ABCC2: variants seen among roughly 807,000 people sequenced by gnomAD.
ABCC2 encodes ATP-binding cassette sub-family C member 2.
ABCC2 carries 157 observed loss-of-function variants against 173.4 expected under a neutral mutation model. That is an observed-to-expected ratio of 0.91 (90% CI 0.80 to 1.03). ABCC2 has a LOEUF of 1.03. Among genes scored for constraint, ABCC2 ranks in the 50% least tolerant of loss-of-function variants. The probability of loss-of-function intolerance (pLI) is 0.00; values close to 1 mark genes in which losing one functional copy is unlikely to be tolerated. For missense variants in ABCC2, 1,822 were observed against 1,852.3 expected, an observed-to-expected ratio of 0.98 and a Z score of 0.30; for synonymous variants, 657 against 693.5, an observed-to-expected ratio of 0.95 and a Z score of 0.83.
Position 99,800,450 on chromosome 10 carries a change from C to T in ABCC2, c.1096C>T (p.Leu366Phe). 6.2e-7 allele frequency: 1 copy of T among 1,614,138 alleles called. No individual in the cohort carries two copies. Among genetic ancestry groups the T allele is most frequent in the Non-Finnish European group, 8.5e-7 (1 of 1,180,022 alleles). ...GTGGATTGGATATCTCTGTGCAATC[C>T]TCTTATTCACTGCGGCTCTCATTCA... ...YLWIGYLCAI[L>F]LFTAALIQSF... The change falls in exon 9 of 32, where the codon CTC becomes TTC. Residue 366 changes from leucine to phenylalanine, a missense_variant. Transcript: ENST00000647814.
intron 19 of ABCC2, among the ~76,000 whole-genome samples, chr10:99,819,957 C>T (rs550961902): frequency 7.9e-5 from 12 of 152,298 alleles, no homozygotes; most frequent in Admixed American, 7.2e-4. Context: ...GTGGTTGTCA[C>T]CAGCAGGAGT....
At position 99,786,080 on chromosome 10, in the gene ABCC2, T is replaced by A. The variant is rs118132251; in HGVS notation, c.207+1299T>A. Reference sequence around the variant, plus strand: ...TGACCTGAGTGCCCATCACAGGACCTAGCATGTTTCAAACACTCCCACTGG... The same window carrying A: ...TGACCTGAGTGCCCATCACAGGACCAAGCATGTTTCAAACACTCCCACTGG... On this transcript the variant is annotated intron_variant, in intron 2 of 31. Transcript: ENST00000647814. Among the ~76,000 whole-genome samples the A allele has an allele frequency of 4.9e-3, 744 of 152,230 alleles. 4 individuals carry two copies. Among genetic ancestry groups the A allele is most frequent in the Non-Finnish European group, 8.0e-3 (541 of 68,012 alleles).
intron 29 of ABCC2, among the ~76,000 whole-genome samples, chr10:99,846,402 T>TTTTC (rs1179713744): frequency 6.6e-6 from 1 of 152,160 alleles, no homozygotes; most frequent in Non-Finnish European, 1.5e-5. Context: ...CTCCAGCCTC[T>TTTTC]TCAAAAGCGT....
Position 99,830,811 on chromosome 10 carries a change from G to A in ABCC2, c.2843G>A (p.Gly948Glu). Residue 948 changes from glycine to glutamate, a missense_variant, in exon 21 of 32, where the codon GGA becomes GAA. By Grantham distance (98) the Gly-to-Glu change is moderately conservative (BLOSUM62 -2). Transcript: ENST00000647814. ...AAGGAAGACGAAGAACTAGTGAAAG[G>A]ACAAAAACTAATTAAGAAGGAATTC... ...SLKEDEELVKGQKLIKKEFIE... is the reference protein window; with the variant it reads ...SLKEDEELVKEQKLIKKEFIE... 2.5e-6 allele frequency: 4 copies of A among 1,614,098 alleles called. No homozygotes were observed. The South Asian group carries it at 4.4e-5, about 18-fold the overall frequency.
chr10:99,849,816 T>C (rs72838149), intron 30 of ABCC2, among the ~76,000 whole-genome samples: 8,351 of 152,346 alleles, frequency 0.055, 253 homozygotes, highest in Middle Eastern at 0.18. Context: ...CCCTGTTTAA[T>C]ATGTTCCCTA....
intron 19 of ABCC2, among the ~76,000 whole-genome samples, chr10:99,821,004 T>G (rs1185372486): frequency 2.0e-5 from 3 of 152,184 alleles, no homozygotes; most frequent in African/African-American, 7.2e-5. Context: ...TCGTGGGTGT[T>G]TCTCGAAGAG....
At chr10:99,806,380 C>T (rs2133027332) in intron 11 of ABCC2, among the ~76,000 whole-genome samples, 1 of 152,208 alleles carries the variant, frequency 6.6e-6, no homozygotes, top group Non-Finnish European at 1.5e-5. Flanking sequence ...ACATTAGAAT[C>T]ACCTGAGAAA....
chr10:99,800,077 G>A (rs1046239327), intron 8 of ABCC2, among the ~76,000 whole-genome samples: 1 of 152,176 alleles, frequency 6.6e-6, no homozygotes, highest in Non-Finnish European at 1.5e-5. Context: ...GCGTATGCCT[G>A]TAGACCCAGC....
At chr10:99,836,636 C>A (rs777061087) in intron 25 of ABCC2, among the ~76,000 whole-genome samples, 1 of 152,170 alleles carries the variant, frequency 6.6e-6, no homozygotes, top group Non-Finnish European at 1.5e-5. Flanking sequence ...AACCCAGTAC[C>A]AAATAAGTGC....
At chr10:99,805,298 G>A in intron 10 of ABCC2, 84 bp from the exon 11 acceptor site, 1 of 1,206,246 alleles carries the variant, frequency 8.3e-7, no homozygotes. Flanking sequence ...CCACAAAGTA[G>A]CAGTGAGGCC....
At chr10:99,800,303 G>A (rs1057011583) in intron 8 of ABCC2, 83 bp from the exon 9 acceptor site, 2 of 1,413,748 alleles carry the variant, frequency 1.4e-6, no homozygotes, top group Non-Finnish European at 2.0e-6. Context: ...TGTAAAGATA[G>A]TGTAGTCTAG....
Position 99,831,723 on chromosome 10 carries a change from G to A in ABCC2, c.2996G>A (p.Trp999Ter). 6.2e-7 allele frequency: 1 copy of A among 1,614,102 alleles called. No homozygotes were observed. Residue 999 changes from tryptophan to a stop codon, truncating the protein, a stop_gained, in exon 22 of 32, where the codon TGG (tryptophan) becomes TAG (stop). Coordinates refer to ENST00000647814, the MANE Select transcript of ABCC2 (RefSeq NM_000392.5). LOFTEE classifies it high-confidence loss of function. Reference protein sequence around the residue: ...NSVAFIGSNLWLSAWTSDSKI... With the variant: ...NSVAFIGSNL ...GTGGCTTTTATTGGATCCAACCTCTGGCTCAGTGCTTGGACCAGTGACTCT... is the reference window on the plus strand; with the variant it reads ...GTGGCTTTTATTGGATCCAACCTCTAGCTCAGTGCTTGGACCAGTGACTCT...
rs11412117 is a variant in ABCC2, at chr10:99,789,709, C to CAA, written c.208-2509_208-2508dup. Among the ~76,000 whole-genome samples the CAA allele has an allele frequency of 8.9e-3, 873 of 97,736 alleles. 24 individuals carry two copies. The highest frequency in any genetic ancestry group is 0.025 in the African/African-American group (618 of 24,782). 64.1% of individuals were successfully genotyped at this position (97,736 alleles called of 152,430 possible). A position where few individuals can be genotyped will look rare whatever the true frequency, so the allele number is the denominator to read the frequency against. On this transcript the variant is annotated intron_variant, in intron 2 of 31. Coordinates refer to ENST00000647814, the MANE Select transcript of ABCC2 (RefSeq NM_000392.5). ...TGGGTGACAGAGCGAAACTCCGTCTCAAAAAAAAAAAAAAAAAGAAAAAGG... is the reference window on the plus strand; with the variant it reads ...TGGGTGACAGAGCGAAACTCCGTCTCAAAAAAAAAAAAAAAAAAAGAAAAAGG...
intron 29 of ABCC2, among the ~76,000 whole-genome samples, chr10:99,846,599 C>T (rs1206947477): frequency 6.6e-6 from 1 of 152,156 alleles, no homozygotes; most frequent in African/African-American, 2.4e-5. Flanking sequence ...ATCAGCCAGG[C>T]ATCGTGGTGC....
At position 99,814,120 on chromosome 10, in the gene ABCC2, C is replaced by CACATATATAT. The variant is rs1463076107; in HGVS notation, c.2094+979_2094+980insTATATATACA. Among the ~76,000 whole-genome samples the CACATATATAT allele has an allele frequency of 9.1e-5, 12 of 131,662 alleles. 1 individual carries two copies. The highest frequency in any genetic ancestry group is 3.4e-4 in the African/African-American group (12 of 34,836). 86.4% of individuals were successfully genotyped at this position (131,662 alleles called of 152,430 possible). On this transcript the variant is annotated intron_variant, in intron 16 of 31. Transcript: ENST00000647814. ...ATATATACACACATATGTGTATATA[C>CACATATATAT]ACACATATGTGTGTATATATACACA...
intron 1 of ABCC2, among the ~76,000 whole-genome samples, chr10:99,784,115 G>A (rs1257609295): frequency 6.6e-6 from 1 of 151,702 alleles, no homozygotes; most frequent in East Asian, 1.9e-4. Flanking sequence ...TGCTGAAACT[G>A]GCCAGGTTTT....
rs79174032 is a variant in ABCC2, at chr10:99,800,349, C to A, written c.1032-37C>A. ...ATGAGGAGAGAGGCATCCTTGGAGGCCTTATGGGTATAACTAACTTGGCTT... is the reference window on the plus strand; with the variant it reads ...ATGAGGAGAGAGGCATCCTTGGAGGACTTATGGGTATAACTAACTTGGCTT... On this transcript the variant is annotated intron_variant, in intron 8 of 31. Coordinates refer to ENST00000647814, the MANE Select transcript of ABCC2 (RefSeq NM_000392.5). 2.3e-3 allele frequency: 3,699 copies of A among 1,612,000 alleles called. 51 individuals are homozygous for A. The African/African-American group carries it at 0.035, about 15-fold the overall frequency.
chr10:99,835,586 C>T (rs1284020642), intron 24 of ABCC2, among the ~76,000 whole-genome samples: 1 of 152,130 alleles, frequency 6.6e-6, no homozygotes, highest in African/African-American at 2.4e-5. Context: ...TACCTTCACA[C>T]ACCACCGAGG....
intron 19 of ABCC2, among the ~76,000 whole-genome samples, chr10:99,820,464 A>G (rs1420678021): frequency 1.3e-5 from 2 of 152,100 alleles, no homozygotes; most frequent in Non-Finnish European, 2.9e-5. Flanking sequence ...TTTGAAAGAA[A>G]AATCTAAGCC....
Sources: allele counts gnomAD v4.1 joint callset (sites outside exome capture counted in the v4.1 genomes callset), GRCh38; gene constraint gnomAD v4.1.1; transcripts MANE v1.5; gene names NCBI Gene and HGNC (gene_info 2026-07-23, HGNC 2026-07-21).